NIN: variants seen among roughly 807,000 people sequenced by gnomAD.
NIN encodes ninein, also known as glycogen synthase kinase 3 beta-interacting protein.
In NIN, 137 loss-of-function variants were observed where a neutral mutation model predicts 257.6. The ratio of observed to expected loss-of-function variants is 0.53; its 90% CI spans 0.46 to 0.61. NIN has a LOEUF of 0.61. Ranked by LOEUF, NIN falls within the 20% of genes least tolerant of loss-of-function variation. The pLI is 0.00. For missense variants in NIN, 2,439 were observed against 2,501.2 expected (o/e 0.98, Z 0.53); for synonymous variants, 918 against 919.8 (o/e 1.00, Z 0.04).
At chr14:50,762,444 A>G (rs2042309872) in intron 15 of NIN, among the ~76,000 whole-genome samples, 1 of 152,206 alleles carries the variant, frequency 6.6e-6, no homozygotes, top group Non-Finnish European at 1.5e-5. Context: ...TGAATTTCCT[A>G]GAGTGTGGGT....
intron 4 of NIN, among the ~76,000 whole-genome samples, chr14:50,799,830 C>G (rs1180620802): frequency 6.6e-6 from 1 of 152,076 alleles, no homozygotes; most frequent in Non-Finnish European, 1.5e-5. Flanking sequence ...AAAAAATTAG[C>G]TGGGTGTGGT....
At chr14:50,751,412 C>T (rs1341074319) in intron 21 of NIN, among the ~76,000 whole-genome samples, 1 of 152,180 alleles carries the variant, frequency 6.6e-6, no homozygotes, top group East Asian at 1.9e-4. Context: ...GAGTCTGTTT[C>T]CCCACAGCCT....
intron 3 of NIN, among the ~76,000 whole-genome samples, chr14:50,809,242 T>G (rs1034153895): frequency 1.3e-5 from 2 of 151,784 alleles, no homozygotes; most frequent in African/African-American, 4.8e-5. Context: ...AAAAAAAGAA[T>G]CAGGGTCATA....
intron 5 of NIN, among the ~76,000 whole-genome samples, chr14:50,786,004 C>T (rs1364051063): frequency 1.3e-5 from 2 of 152,130 alleles, no homozygotes; most frequent in African/African-American, 4.8e-5. Flanking sequence ...CAAGTGCATG[C>T]GGGGGATGAC....
At chr14:50,830,037 A>G (rs1338802216) in intron 2 of NIN, among the ~76,000 whole-genome samples, 1 of 152,072 alleles carries the variant, frequency 6.6e-6, no homozygotes, top group Non-Finnish European at 1.5e-5. Context: ...CACCTCCAAA[A>G]ATCTCCACTT....
intron 23 of NIN, among the ~76,000 whole-genome samples, chr14:50,743,936 T>C (rs1375425730): frequency 6.6e-6 from 1 of 152,186 alleles, no homozygotes; most frequent in Non-Finnish European, 1.5e-5. Context: ...ATCTATGAAA[T>C]TGATCTCAGA....
At chr14:50,744,507 C>CTA in intron 22 of NIN, 142 bp from the exon 23 acceptor site, 1 of 807,926 alleles carries the variant, frequency 1.2e-6, no homozygotes, top group East Asian at 2.7e-5. Context: ...CTAGCAGAGA[C>CTA]TATAATAAAC....
chr14:50,735,910 A>G (rs1397621186), intron 27 of NIN, among the ~76,000 whole-genome samples: 1 of 152,158 alleles, frequency 6.6e-6, no homozygotes, highest in East Asian at 1.9e-4. Context: ...ACACACCCAC[A>G]CATATGTACA....
chr14:50,774,892 C>T (rs989387283), intron 7 of NIN, among the ~76,000 whole-genome samples: 7 of 151,934 alleles, frequency 4.6e-5, no homozygotes, highest in Non-Finnish European at 8.8e-5. Flanking sequence ...AAATGGCCAA[C>T]TGGGGCACGC....
Position 50,748,111 on chromosome 14 carries a change from AG to A in NIN, c.4951-7del. On this transcript the variant is annotated splice_polypyrimidine_tract_variant and splice_region_variant and intron_variant, in intron 21 of 30. Coordinates refer to ENST00000530997, the MANE Select transcript of NIN (RefSeq NM_020921.4). ...GAAGACACTAAAGTGGAGGACTAAGAGAAAAATGAAAAAGTCAAATAACAGA... is the reference window on the plus strand; with the variant it reads ...GAAGACACTAAAGTGGAGGACTAAGAAAAAATGAAAAAGTCAAATAACAGA... 6.3e-7 allele frequency: 1 copy of A among 1,592,998 alleles called. No individual in the cohort carries two copies. The highest frequency in any genetic ancestry group is 1.1e-5 in the South Asian group (1 of 90,626).
rs2042683839 is a variant in NIN at position 50,770,426 on chromosome 14, C to T, written c.1396G>A (p.Glu466Lys). 8 of 1,614,228 alleles carry T rather than the reference C, an allele frequency of 5.0e-6. No homozygotes were observed. The highest frequency in any genetic ancestry group is 1.3e-5 in the African/African-American group (1 of 75,060). ...GCAAGGCGGTCCCGGATATAGTTCT[C>T]TTCTGTTTTTGCCTTTTCAATTTCC... is the stretch of plus-strand genomic sequence containing the variant. ...EQEIEKAKTE[E>K]NYIRDRLALS... Residue 466 changes from glutamate to lysine, a missense_variant, in exon 12 of 31, where the codon GAG (glutamate) becomes AAG (lysine). By Grantham distance (56) the Glu-to-Lys change is moderately conservative (BLOSUM62 1). Transcript: ENST00000530997.
Position 50,754,730 on chromosome 14 carries a change from T to C in NIN, c.4664+12A>G. ...CAAAAATGTCTTAGGAAAATGTAAG[T>C]ATACGTCTTACCACATTTCTTCCTG... On this transcript the variant is annotated intron_variant, in intron 19 of 30. Transcript: ENST00000530997. 6.3e-7 allele frequency: 1 copy of C among 1,583,390 alleles called. No individual in the cohort carries two copies. Among genetic ancestry groups the C allele is most frequent in the Middle Eastern group, 1.7e-4 (1 of 5,998 alleles).
chr14:50,793,082 C>T (rs2043671810), intron 4 of NIN, among the ~76,000 whole-genome samples: 1 of 152,066 alleles, frequency 6.6e-6, no homozygotes, highest in South Asian at 2.1e-4. Context: ...TTTATGGGAC[C>T]GTGAGTATAT....
chr14:50,756,964 C>T lies in NIN; in HGVS notation c.4066G>A (p.Glu1356Lys). The T allele has an allele frequency of 6.2e-7, 1 of 1,609,730 alleles. No individual in the cohort carries two copies. Reference protein sequence around the residue: ...CLWEASLENLEIEPDGNILQL... With the variant: ...CLWEASLENLKIEPDGNILQL... ...AGTATATTTCCATCAGGTTCGATTTCCAGGTTCTCTAAACTGGCTTCCCAT... is the reference window on the plus strand; with the variant it reads ...AGTATATTTCCATCAGGTTCGATTTTCAGGTTCTCTAAACTGGCTTCCCAT... Residue 1356 changes from glutamate (E) to lysine (K), a missense_variant, in exon 18 of 31, where the codon GAA (glutamate) becomes AAA (lysine). Coordinates refer to ENST00000530997, the MANE Select transcript of NIN (RefSeq NM_020921.4).
intron 3 of NIN, among the ~76,000 whole-genome samples, chr14:50,817,021 A>C (rs1397441858): frequency 2.0e-5 from 3 of 152,206 alleles, no homozygotes; most frequent in African/African-American, 7.2e-5. Context: ...CTTGTTTATC[A>C]ATGGGGAACC....
At chr14:50,724,417 G>C in intron 30 of NIN, 2 of 222,774 alleles carry the variant, frequency 9.0e-6, no homozygotes, top group Non-Finnish European at 9.0e-6. Context: ...CAACCTATTA[G>C]CATTTCAAAG....
intron 21 of NIN, among the ~76,000 whole-genome samples, chr14:50,750,323 T>C (rs1162662128): frequency 6.6e-6 from 1 of 152,218 alleles, no homozygotes; most frequent in Admixed American, 6.5e-5. Flanking sequence ...TTTGTATACA[T>C]ATTAGAAACC....
At chr14:50,752,064 T>C (rs1471381523) in intron 21 of NIN, among the ~76,000 whole-genome samples, 1 of 152,186 alleles carries the variant, frequency 6.6e-6, no homozygotes, top group Admixed American at 6.5e-5. Context: ...TGTTTTCTTT[T>C]ATTGCCTCCG....
chr14:50,764,513 T>C (rs770987908), intron 14 of NIN, among the ~76,000 whole-genome samples: 14 of 152,160 alleles, frequency 9.2e-5, no homozygotes, highest in Non-Finnish European at 1.6e-4. Flanking sequence ...TATATGCCCA[T>C]ACAAAAACGT....
Sources: allele counts gnomAD v4.1 joint callset (sites outside exome capture counted in the v4.1 genomes callset), GRCh38; gene constraint gnomAD v4.1.1; transcripts MANE v1.5; gene names NCBI Gene and HGNC (gene_info 2026-07-23, HGNC 2026-07-21).